Variants in LDLRAD2 observed in about 807,000 individuals in gnomAD.
LDLRAD2 encodes low density lipoprotein receptor class A domain containing 2, also known as low-density lipoprotein receptor class A domain-containing protein 2.
LDLRAD2 carries 25 observed loss-of-function variants against 24.9 expected under a neutral mutation model. That is an observed-to-expected ratio of 1.00 (90% CI 0.73 to 1.40). The LOEUF (loss-of-function observed/expected upper bound fraction) is 1.40. Ranked by LOEUF, LDLRAD2 falls within the 40% of genes most tolerant of loss-of-function variation. LDLRAD2 has a pLI of 0.00. For missense variants in LDLRAD2, 391 were observed against 366.2 expected (o/e 1.07, Z -0.55); for synonymous variants, 182 against 166.7 (o/e 1.09, Z -0.71).
intron 2 of LDLRAD2, among the ~76,000 whole-genome samples, chr1:21,815,503 C>T (rs946101494): frequency 2.6e-5 from 4 of 152,182 alleles, no homozygotes; most frequent in Non-Finnish European, 1.5e-5. Flanking sequence ...CCCAACTGGG[C>T]GCCGTGGCTT....
chr1:21,819,919 C>T (rs139053304), intron 3 of LDLRAD2, among the ~76,000 whole-genome samples: 3 of 152,192 alleles, frequency 2.0e-5, no homozygotes, highest in South Asian at 2.1e-4. Flanking sequence ...TGGCAGAAGG[C>T]GAGGGGAGCA....
intron 2 of LDLRAD2, among the ~76,000 whole-genome samples, chr1:21,815,063 G>A (rs2152677548): frequency 6.6e-6 from 1 of 152,280 alleles, no homozygotes; most frequent in South Asian, 2.1e-4. Context: ...CCATGGATGT[G>A]TGCGTCAGAC....
At position 21,824,755 on chromosome 1, in the gene LDLRAD2, T is replaced by C. The variant is rs753549203; in HGVS notation, c.*2540T>C. 6.2e-7 allele frequency: 1 copy of C among 1,613,318 alleles called. No individual in the cohort carries two copies. Among genetic ancestry groups the C allele is most frequent in the Admixed American group, 1.7e-5 (1 of 59,942 alleles). On this transcript the variant is annotated 3_prime_UTR_variant, in exon 5 of 5. Coordinates refer to ENST00000344642, the MANE Select transcript of LDLRAD2 (RefSeq NM_001013693.3). The surrounding 1 kb of genome is among the most constrained non-coding windows in gnomAD (Gnocchi z 5.9). The stretch of plus-strand genomic sequence containing the variant: ...GGCGAGGAAGCCATCATCGTGGAAA[T>C]AGGCTCCGTACTGCCCAGGGGCATC...
chr1:21,815,868 C>T, intron 2 of LDLRAD2, 75 bp from the exon 3 acceptor site: 1 of 1,562,086 alleles, frequency 6.4e-7, no homozygotes, highest in Non-Finnish European at 8.7e-7. Flanking sequence ...ACACTGTCAC[C>T]ATGGGGGCCA....
intron 2 of LDLRAD2, 87 bp from the exon 3 acceptor site, chr1:21,815,856 C>G: frequency 3.9e-6 from 6 of 1,533,398 alleles, no homozygotes; most frequent in Non-Finnish European, 5.3e-6. Context: ...GCCCACACCC[C>G]CACACTGTCA....
In LDLRAD2 at chr1:21,824,913, C is replaced by T. The variant is rs755057678; in HGVS notation, c.*2698C>T. 83 of 789,342 alleles carry T rather than the reference C, an allele frequency of 1.1e-4. No individual in the cohort carries two copies. The highest frequency in any genetic ancestry group is 1.7e-4 in the Non-Finnish European group (77 of 457,074). The allele number at this position is 789,342 out of a possible 1,614,324, so 48.9% of individuals were successfully genotyped here. ...CGAGCCTGCAGTCCCTGGGGACCCA[C>T]GGGGGCTGCCAACAGAATTCAGGGA... On this transcript the variant is annotated 3_prime_UTR_variant, in exon 5 of 5. Coordinates refer to ENST00000344642, the MANE Select transcript of LDLRAD2 (RefSeq NM_001013693.3). This position sits in a 1 kb window ranked among gnomAD's most constrained non-coding sequence, Gnocchi z 5.9.
Position 21,824,222 on chromosome 1 carries a change from C to T in LDLRAD2, c.*2007C>T. ...GCTGGTACCTGCAGTCATCCAGGCC[C>T]AAGAAGTATGAGCTGGGGCAGGACC... is the stretch of plus-strand genomic sequence containing the variant. On this transcript the variant is annotated 3_prime_UTR_variant, in exon 5 of 5. Coordinates refer to ENST00000344642, the MANE Select transcript of LDLRAD2 (RefSeq NM_001013693.3). This position sits in a 1 kb window ranked among gnomAD's most constrained non-coding sequence, Gnocchi z 5.9. The T allele has an allele frequency of 6.2e-7, 1 of 1,613,670 alleles. No individual in the cohort carries two copies. Among genetic ancestry groups the T allele is most frequent in the East Asian group, 2.2e-5 (1 of 44,854 alleles).
chr1:21,814,005 G>A (rs2097941122), intron 1 of LDLRAD2, among the ~76,000 whole-genome samples: 1 of 151,970 alleles, frequency 6.6e-6, no homozygotes, highest in Admixed American at 6.6e-5. Context: ...CGATTAGTTG[G>A]GATTACAGGT....
chr1:21,824,302 C>T lies in LDLRAD2; in HGVS notation c.*2087C>T, dbSNP rs117182812. 9,753 of 1,613,894 alleles carry T rather than the reference C, an allele frequency of 6.0e-3. 209 individuals carry two copies. The East Asian group carries it at 0.082, about 14-fold the overall frequency. Reference sequence around the variant, plus strand: ...GAGAGGAAGGGCCAGGTGCCAGGACCTACCTGAAGACAAGGTGCCCGTCTT... The same window carrying T: ...GAGAGGAAGGGCCAGGTGCCAGGACTTACCTGAAGACAAGGTGCCCGTCTT... On this transcript the variant is annotated 3_prime_UTR_variant, in exon 5 of 5. Transcript: ENST00000344642. The surrounding 1 kb of genome is among the most constrained non-coding windows in gnomAD (Gnocchi z 5.9).
At chr1:21,821,843 C>T (rs950917693) in intron 4 of LDLRAD2, 22 of 1,427,096 alleles carry the variant, frequency 1.5e-5, no homozygotes, top group Admixed American at 1.4e-4. Context: ...ACCTGGTGCC[C>T]GTGGCCTCTG....
Position 21,824,072 on chromosome 1 carries a change from C to T in LDLRAD2, c.*1857C>T. 3.9e-6 allele frequency: 6 copies of T among 1,524,674 alleles called. No homozygotes were observed. Among genetic ancestry groups the T allele is most frequent in the Non-Finnish European group, 5.4e-6 (6 of 1,107,960 alleles). The allele number at this position is 1,524,674 out of a possible 1,614,324, so 94.4% of individuals were successfully genotyped here. A position where few individuals can be genotyped will look rare whatever the true frequency, so the allele number is the denominator to read the frequency against. On this transcript the variant is annotated 3_prime_UTR_variant, in exon 5 of 5. Coordinates refer to ENST00000344642, the MANE Select transcript of LDLRAD2 (RefSeq NM_001013693.3). This position sits in a 1 kb window ranked among gnomAD's most constrained non-coding sequence, Gnocchi z 5.9. ...GCCCATGGTAGGGGGCGTCCTGCCC[C>T]ACTCCAGAACGCTGGGCCCCATCCC...
chr1:21,814,359 C>T, intron 1 of LDLRAD2, 39 bp from the exon 2 acceptor site: 1 of 1,516,380 alleles, frequency 6.6e-7, no homozygotes, highest in Non-Finnish European at 8.8e-7. Context: ...AGTTCGGGGT[C>T]GCGCCGCGCG....
At chr1:21,816,158 G>A in intron 3 of LDLRAD2, 84 bp downstream of exon 3, 20 of 1,536,504 alleles carry the variant, frequency 1.3e-5, no homozygotes, top group Non-Finnish European at 1.6e-5. Context: ...GCAGGGCCCC[G>A]ATGGGGAGGC....
At chr1:21,819,318 A>G (rs766417853) in intron 3 of LDLRAD2, among the ~76,000 whole-genome samples, 1 of 152,034 alleles carries the variant, frequency 6.6e-6, no homozygotes, top group Non-Finnish European at 1.5e-5. Flanking sequence ...GGTTGCGGTG[A>G]GCCGAGATCG....
At position 21,824,953 on chromosome 1, in the gene LDLRAD2, A is replaced by G. The variant is rs2097965914; in HGVS notation, c.*2738A>G. 6.0e-6 allele frequency: 4 copies of G among 666,014 alleles called. No individual in the cohort carries two copies. Among genetic ancestry groups the G allele is most frequent in the Non-Finnish European group, 1.1e-5 (4 of 363,170 alleles). The allele number at this position is 666,014 out of a possible 1,614,324, so 41.3% of individuals were successfully genotyped here. ...GAATTCAGGGAGCCTATGACCTTGG[A>G]TGGGAAAGCATTACACCTCAATTTC... On this transcript the variant is annotated 3_prime_UTR_variant, in exon 5 of 5. Transcript: ENST00000344642. This position sits in a 1 kb window ranked among gnomAD's most constrained non-coding sequence, Gnocchi z 5.9.
At chr1:21,819,804 A>G (rs146467722) in intron 3 of LDLRAD2, among the ~76,000 whole-genome samples, 84 of 152,254 alleles carry the variant, frequency 5.5e-4, no homozygotes, top group African/African-American at 1.8e-3. Flanking sequence ...TGGGTACTTT[A>G]TAAAGAAAAG....
Position 21,823,300 on chromosome 1 carries a change from TG to T in LDLRAD2, c.*1089del. The T allele has an allele frequency of 6.6e-7, 1 of 1,511,288 alleles. No homozygotes were observed. 93.6% of individuals were successfully genotyped at this position (1,511,288 alleles called of 1,614,324 possible). On this transcript the variant is annotated 3_prime_UTR_variant, in exon 5 of 5. Transcript: ENST00000344642. ...CTGGGGCGTGGCCCGGGAGTCCGTG[TG>T]GGGCAGGCAGGTGCCTACGAGGGGC...
In LDLRAD2 at chr1:21,822,366, T is replaced by G. The variant is rs949442491; in HGVS notation, c.*151T>G. The G allele has an allele frequency of 2.0e-5, 15 of 743,832 alleles. No homozygotes were observed. The Admixed American group carries it at 3.3e-4, about 17-fold the overall frequency. 46.1% of individuals were successfully genotyped at this position (743,832 alleles called of 1,614,324 possible). On this transcript the variant is annotated 3_prime_UTR_variant, in exon 5 of 5. Transcript: ENST00000344642. The stretch of plus-strand genomic sequence containing the variant: ...TGGGGGCCACTGGCAGGATGGCACT[T>G]GAGCTGGATCTTCAGGCTCCTGCAG...
intron 3 of LDLRAD2, among the ~76,000 whole-genome samples, chr1:21,817,713 A>G (rs1277934315): frequency 6.6e-6 from 1 of 152,146 alleles, no homozygotes; most frequent in Non-Finnish European, 1.5e-5. Flanking sequence ...GGGTGCTATT[A>G]CTGACATTTT....
Sources: allele counts gnomAD v4.1 joint callset (sites outside exome capture counted in the v4.1 genomes callset), GRCh38; gene constraint gnomAD v4.1.1; non-coding constraint Gnocchi (gnomAD v3.1); transcripts MANE v1.5; gene names NCBI Gene and HGNC (gene_info 2026-07-23, HGNC 2026-07-21).